MLIP: variants seen among roughly 807,000 people sequenced by gnomAD.
MLIP encodes the protein muscular LMNA-interacting protein.
A neutral mutation model predicts 84.8 loss-of-function variants in MLIP; 79 were observed. That is an observed-to-expected ratio of 0.93 (90% CI 0.78 to 1.12). The LOEUF is 1.12. MLIP is among the 50% of genes most tolerant of loss of function. The pLI is 0.00. For missense variants in MLIP, 1,257 were observed against 1,160.6 expected, an observed-to-expected ratio of 1.08 and a Z score of -1.21; for synonymous variants, 504 against 463.0, an observed-to-expected ratio of 1.09 and a Z score of -1.14.
chr6:54,052,123 G>A lies in MLIP; in HGVS notation c.63+33032G>A, dbSNP rs116947331. On this transcript the variant is annotated intron_variant, in intron 1 of 12. Transcript: ENST00000274897. ...TGATAGAAAAGATAATGGTAACAGCGTTAAGCTAGAAAATTATGGGTGAGA... is the reference window on the plus strand; with the variant it reads ...TGATAGAAAAGATAATGGTAACAGCATTAAGCTAGAAAATTATGGGTGAGA... Among the ~76,000 whole-genome samples the A allele has an allele frequency of 9.9e-5, 15 of 152,228 alleles. No individual in the cohort carries two copies. In the East Asian group the frequency reaches 2.3e-3, roughly 24 times the overall value.
rs1216947298 is a variant in MLIP at position 54,136,739 on chromosome 6, GAGC to G, written c.674_676del (p.Gln225del). The G allele has an allele frequency of 1.3e-6, 2 of 1,504,502 alleles. No individual in the cohort carries two copies. Among genetic ancestry groups the G allele is most frequent in the Non-Finnish European group, 1.8e-6 (2 of 1,124,060 alleles). The allele number at this position is 1,504,502 out of a possible 1,614,324, so 93.2% of individuals were successfully genotyped here. A position where few individuals can be genotyped will look rare whatever the true frequency, so the allele number is the denominator to read the frequency against. On this transcript the variant is annotated inframe_deletion, in exon 4 of 14. Transcript: ENST00000502396. ...GTTAACTTCTTCTCCCACTACCTCT[GAGC>G]AGCTTGCCTGTAAACCACCTGCTTT...
chr6:54,192,391 T>C (rs1479629879), intron 10 of MLIP, among the ~76,000 whole-genome samples: 1 of 152,050 alleles, frequency 6.6e-6, no homozygotes, highest in Non-Finnish European at 1.5e-5. Flanking sequence ...ATATTAATAC[T>C]ACCCGAGAGT....
intron 1 of MLIP, among the ~76,000 whole-genome samples, chr6:54,117,431 G>T (rs1474248533): frequency 6.6e-6 from 1 of 150,940 alleles, no homozygotes; most frequent in Non-Finnish European, 1.5e-5. Flanking sequence ...AGCCAGGATG[G>T]TCTCGATCTC....
rs1421599791 is a variant in MLIP, at chr6:54,137,184, C to T, written c.1115C>T (p.Ser372Leu). The T allele has an allele frequency of 5.2e-6, 8 of 1,535,968 alleles. No individual in the cohort carries two copies. The highest frequency in any genetic ancestry group is 1.4e-5 in the African/African-American group (1 of 73,024). ...ATACCAGTCCGCATTGTCACGCATT[C>T]ACTCTCTCCGAGCCCCAAACCATTT... The part of the protein sequence containing the change: ...SYIPVRIVTH[S>L]LSPSPKPFTS... The change falls in exon 4 of 14, where the codon TCA becomes TTA. Residue 372 changes from serine (S) to leucine (L), a missense_variant. Coordinates refer to ENST00000502396, the MANE Select transcript of MLIP (RefSeq NM_001281747.2).
chr6:54,160,706 CTCT>C (rs1561998670), intron 7 of MLIP, 31 bp from the exon 8 acceptor site: 14 of 1,524,890 alleles, frequency 9.2e-6, no homozygotes, highest in Non-Finnish European at 1.2e-5. Context: ...CTTTCCTTTT[CTCT>C]TCTTCTTTCC....
At chr6:54,174,222 A>G (rs1776057848) in intron 9 of MLIP, among the ~76,000 whole-genome samples, 1 of 151,956 alleles carries the variant, frequency 6.6e-6, no homozygotes, top group African/African-American at 2.4e-5. Context: ...CCTCTTTAAT[A>G]TACTGATTTT....
At chr6:54,192,722 T>C (rs933346454) in intron 10 of MLIP, among the ~76,000 whole-genome samples, 2 of 152,048 alleles carry the variant, frequency 1.3e-5, no homozygotes, top group African/African-American at 4.8e-5. Context: ...TTTGTTTATA[T>C]GAGTAAATAT....
At chr6:54,165,216 C>T (rs780157876) in intron 8 of MLIP, among the ~76,000 whole-genome samples, 18 of 151,860 alleles carry the variant, frequency 1.2e-4, no homozygotes, top group Non-Finnish European at 2.5e-4. Context: ...AAGGGAGAAG[C>T]GCCATAGTAT....
At chr6:54,086,358 T>A (rs1401747855) in intron 1 of MLIP, among the ~76,000 whole-genome samples, 1 of 152,184 alleles carries the variant, frequency 6.6e-6, no homozygotes, top group Non-Finnish European at 1.5e-5. Context: ...GAACAGTGGT[T>A]CTTTCTCTTC....
chr6:54,035,893 G>A (rs914614420), intron 1 of MLIP, among the ~76,000 whole-genome samples: 33 of 151,964 alleles, frequency 2.2e-4, no homozygotes, highest in African/African-American at 7.2e-4. Flanking sequence ...TATGTGGTTC[G>A]CAAATATTTT....
intron 1 of MLIP, among the ~76,000 whole-genome samples, chr6:54,037,926 T>C (rs983154627): frequency 1.3e-5 from 2 of 151,974 alleles, no homozygotes; most frequent in African/African-American, 4.8e-5. Flanking sequence ...TCAGTATTGT[T>C]AATAATATCT....
intron 13 of MLIP, among the ~76,000 whole-genome samples, chr6:54,259,855 G>A (rs1294572972): frequency 6.6e-6 from 1 of 151,708 alleles, no homozygotes; most frequent in Non-Finnish European, 1.5e-5. Flanking sequence ...ATGATGTGTG[G>A]TCAGACCAAT....
At chr6:54,151,468 A>C (rs1561987241) in intron 5 of MLIP, among the ~76,000 whole-genome samples, 1 of 152,150 alleles carries the variant, frequency 6.6e-6, no homozygotes, top group Middle Eastern at 3.2e-3. Context: ...TTGAGTGGGA[A>C]AATTAGGACT....
At chr6:54,186,901 A>T (rs1777449377) in intron 9 of MLIP, among the ~76,000 whole-genome samples, 1 of 152,222 alleles carries the variant, frequency 6.6e-6, no homozygotes, top group African/African-American at 2.4e-5. Flanking sequence ...CCTAGGTGCC[A>T]GGACCCGAGA....
chr6:54,033,086 A>G (rs1004218037), intron 1 of MLIP, among the ~76,000 whole-genome samples: 3 of 152,076 alleles, frequency 2.0e-5, no homozygotes, highest in African/African-American at 7.2e-5. Context: ...AGAATTGAAA[A>G]CCAAATCCCT....
intron 3 of MLIP, among the ~76,000 whole-genome samples, chr6:54,127,691 C>A (rs1771038803): frequency 6.6e-6 from 1 of 152,034 alleles, no homozygotes; most frequent in African/African-American, 2.4e-5. Context: ...AGCATATTAT[C>A]AGGGACATAG....
chr6:54,085,387 T>A (rs62397369), intron 1 of MLIP, among the ~76,000 whole-genome samples: 13,387 of 152,258 alleles, frequency 0.088, 645 homozygotes, highest in Middle Eastern at 0.13. Context: ...GAATTCCCAC[T>A]TATTAATAGG....
chr6:54,098,148 C>CT lies in MLIP; in HGVS notation c.64-23278dup, dbSNP rs5876357. The stretch of plus-strand genomic sequence containing the variant: ...TGTTAAGTCTTGGGGATTTTTCTTT[C>CT]TTTTTTTTTTTTTTTTTTTTTGTTA... On this transcript the variant is annotated intron_variant, in intron 1 of 12. Transcript: ENST00000274897. 2.6e-3 allele frequency among the ~76,000 whole-genome samples: 328 copies of CT among 123,844 alleles called. 1 individual carries two copies. Among genetic ancestry groups the CT allele is most frequent in the African/African-American group, 8.4e-3 (264 of 31,258 alleles). The allele number at this position is 123,844 out of a possible 152,430, so 81.2% of individuals were successfully genotyped here.
chr6:54,107,299 G>A (rs958034893), upstream of MLIP, among the ~76,000 whole-genome samples: 38 of 152,184 alleles, frequency 2.5e-4, no homozygotes, highest in African/African-American at 8.4e-4. Context: ...AAGTTATAGC[G>A]GTATACTACT....
Sources: allele counts gnomAD v4.1 joint callset (sites outside exome capture counted in the v4.1 genomes callset), GRCh38; gene constraint gnomAD v4.1.1; transcripts MANE v1.5; gene names NCBI Gene and HGNC (gene_info 2026-07-23, HGNC 2026-07-21).